The following SLC45A4 variants were observed in gnomAD, a reference collection of about 807,000 sequenced individuals.
The protein encoded by SLC45A4 is polyamine-transporter SLC45A4.
In SLC45A4, 32 loss-of-function variants were observed where a neutral mutation model predicts 63.7. The observed-to-expected ratio is 0.50, with a 90% CI of 0.38 to 0.67. The LOEUF (loss-of-function observed/expected upper bound fraction) is 0.67. Ranked by LOEUF, SLC45A4 falls within the 30% of genes least tolerant of loss-of-function variation. SLC45A4 has a pLI of 0.00. For missense variants in SLC45A4, 1,027 were observed against 1,157.7 expected (o/e 0.89, Z 1.64); for synonymous variants, 535 against 510.0 (o/e 1.05, Z -0.66).
intron 1 of SLC45A4, among the ~76,000 whole-genome samples, chr8:141,307,542 A>T (rs1312071308): frequency 6.6e-6 from 1 of 151,638 alleles, no homozygotes; most frequent in Non-Finnish European, 1.5e-5. Context: ...GAAGGGGAAG[A>T]AGGGGAAGAA....
rs1007022385 is a variant in SLC45A4, at chr8:141,212,135, G to GCCGCCCGC, written c.2301+54_2301+61dup. ...CTGCTCCCGCCCATGGCCTGGCCCCGCCGCCCGCCCGCCCGCCCACCCGCC... is the reference window on the plus strand; with the variant it reads ...CTGCTCCCGCCCATGGCCTGGCCCCGCCGCCCGCCCGCCCGCCCGCCCGCCCACCCGCC... On this transcript the variant is annotated intron_variant, in intron 8 of 8. Coordinates refer to ENST00000517878, the MANE Select transcript of SLC45A4 (RefSeq NM_001286646.2). 350 of 545,802 alleles carry GCCGCCCGC rather than the reference G, an allele frequency of 6.4e-4. 1 individual carries two copies. Among genetic ancestry groups the GCCGCCCGC allele is most frequent in the South Asian group, 6.2e-3 (89 of 14,376 alleles). The allele number at this position is 545,802 out of a possible 1,614,324, so 33.8% of individuals were successfully genotyped here. A position where few individuals can be genotyped will look rare whatever the true frequency, so the allele number is the denominator to read the frequency against.
intron 1 of SLC45A4, among the ~76,000 whole-genome samples, chr8:141,262,527 A>G (rs2154614809): frequency 6.6e-6 from 1 of 152,144 alleles, no homozygotes; most frequent in East Asian, 1.9e-4. Flanking sequence ...ACAAGAAAAA[A>G]AACAACCCCA....
At position 141,208,699 on chromosome 8, in the gene SLC45A4, T is replaced by C. The variant is rs1468858841; in HGVS notation, c.*2873A>G. The C allele has an allele frequency of 6.6e-6, 1 of 152,144 alleles. No homozygotes were observed. Among genetic ancestry groups the C allele is most frequent in the Non-Finnish European group, 1.5e-5 (1 of 68,038 alleles). The allele number at this position is 152,144 out of a possible 1,614,324, so 9.4% of individuals were successfully genotyped here. A position where few individuals can be genotyped will look rare whatever the true frequency, so the allele number is the denominator to read the frequency against. ...CTAGCTCTTCAGCCACCAGGGAACG[T>C]CATGATGCCAGTCTGCCGACAGACC... On this transcript the variant is annotated 3_prime_UTR_variant, in exon 9 of 9. Transcript: ENST00000517878.
At chr8:141,231,995 C>A (rs553609760) in intron 2 of SLC45A4, among the ~76,000 whole-genome samples, 4 of 152,366 alleles carry the variant, frequency 2.6e-5, no homozygotes, top group African/African-American at 7.2e-5. Flanking sequence ...ACTGCCCAGG[C>A]CCAGTGAAAA....
At chr8:141,304,268 T>TAC (rs59200665) in intron 1 of SLC45A4, among the ~76,000 whole-genome samples, 31,678 of 150,908 alleles carry the variant, frequency 0.21, 3,561 homozygotes, top group East Asian at 0.34. Flanking sequence ...GACTCTTAAA[T>TAC]ACACACACAC....
chr8:141,302,285 A>G (rs1369101121), intron 1 of SLC45A4, among the ~76,000 whole-genome samples: 1 of 152,232 alleles, frequency 6.6e-6, no homozygotes, highest in East Asian at 1.9e-4. Flanking sequence ...ATGGAGACAG[A>G]GGCTTGCTCT....
At chr8:141,296,219 T>TTGGGGCAAACTACAAAA (rs1830544845) in intron 1 of SLC45A4, among the ~76,000 whole-genome samples, 1 of 152,048 alleles carries the variant, frequency 6.6e-6, no homozygotes, top group Admixed American at 6.6e-5. Flanking sequence ...CAATCCCAGC[T>TTGGGGCAAACTACAAAA]ACTCAGGAGG....
intron 2 of SLC45A4, among the ~76,000 whole-genome samples, chr8:141,238,285 C>T (rs1370013257): frequency 6.6e-6 from 1 of 152,224 alleles, no homozygotes; most frequent in Non-Finnish European, 1.5e-5. Context: ...TGTAAAGTCG[C>T]CCCTTTTTTT....
intron 2 of SLC45A4, among the ~76,000 whole-genome samples, chr8:141,236,028 C>T (rs1387399877): frequency 2.6e-5 from 4 of 152,086 alleles, no homozygotes; most frequent in African/African-American, 4.8e-5. Flanking sequence ...CGCTTGAACC[C>T]GGGAGGTGGA....
At position 141,212,184 on chromosome 8, in the gene SLC45A4, G is replaced by A. The variant is rs764562259; in HGVS notation, c.2301+13C>T. 4.1e-4 allele frequency: 577 copies of A among 1,409,862 alleles called. 3 individuals carry two copies. Among genetic ancestry groups the A allele is most frequent in the Non-Finnish European group, 2.8e-5 (30 of 1,072,032 alleles). The allele number at this position is 1,409,862 out of a possible 1,614,324, so 87.3% of individuals were successfully genotyped here. A position where few individuals can be genotyped will look rare whatever the true frequency, so the allele number is the denominator to read the frequency against. On this transcript the variant is annotated intron_variant, in intron 8 of 8. Transcript: ENST00000517878. ...CCCACTGGAATGTGTGTAAACGGGA[G>A]TGCGGCTCAGACCACGGACTCTGTC...
intron 2 of SLC45A4, among the ~76,000 whole-genome samples, chr8:141,235,876 C>T (rs921592295): frequency 1.4e-4 from 22 of 152,164 alleles, no homozygotes; most frequent in African/African-American, 4.6e-4. Flanking sequence ...CTGAGGCGGG[C>T]GGATCACCTG....
chr8:141,246,361 G>T (rs530179390), intron 2 of SLC45A4, among the ~76,000 whole-genome samples: 2 of 152,220 alleles, frequency 1.3e-5, no homozygotes, highest in Admixed American at 1.3e-4. Flanking sequence ...GCTCTGCGGG[G>T]TGGCTCTGGT....
chr8:141,307,557 G>A (rs1210576853), intron 1 of SLC45A4, among the ~76,000 whole-genome samples: 2 of 151,640 alleles, frequency 1.3e-5, no homozygotes, highest in Admixed American at 1.3e-4. Context: ...GAAGAAGGGA[G>A]TGTGTTCGGT....
intron 1 of SLC45A4, among the ~76,000 whole-genome samples, chr8:141,264,642 G>A (rs189111008): frequency 1.3e-5 from 2 of 152,272 alleles, no homozygotes; most frequent in African/African-American, 2.4e-5. Flanking sequence ...AATATCCTCA[G>A]GCTGCTGAGT....
In SLC45A4 at chr8:141,218,218, G is replaced by A. The variant is rs749408749; in HGVS notation, c.1422C>T (p.Ser474=). The A allele has an allele frequency of 2.8e-5, 45 of 1,602,330 alleles. No homozygotes were observed. The highest frequency in any genetic ancestry group is 1.6e-4 in the Middle Eastern group (1 of 6,080). ...TGTCCCCGCTGGAGGTGGTGGCCCC[G>A]CTCTGGTTCCGGTGCCGGTGCTGCC... The part of the protein sequence containing the change: ...RQRQHRHRNQ[S]GATTSSGDTE... The change falls in exon 5 of 9, where the codon AGC becomes AGT. Residue 474 remains serine (S), a synonymous_variant. Coordinates refer to ENST00000517878, the MANE Select transcript of SLC45A4 (RefSeq NM_001286646.2).
intron 1 of SLC45A4, among the ~76,000 whole-genome samples, chr8:141,279,207 C>T (rs963884852): frequency 6.6e-6 from 1 of 152,250 alleles, no homozygotes; most frequent in African/African-American, 2.4e-5. Context: ...GGGGCCCTGG[C>T]TCTATCCCCA....
chr8:141,272,727 C>T (rs538034563), intron 1 of SLC45A4, among the ~76,000 whole-genome samples: 1 of 152,154 alleles, frequency 6.6e-6, no homozygotes, highest in Admixed American at 6.5e-5. Context: ...CCTAGGCACA[C>T]TGGTCAAACA....
In SLC45A4 at chr8:141,211,255, T is replaced by C. The variant is rs1468924986; in HGVS notation, c.*317A>G. 3.0e-5 allele frequency: 14 copies of C among 474,172 alleles called. No homozygotes were observed. The highest frequency in any genetic ancestry group is 5.1e-5 in the Non-Finnish European group (14 of 273,408). 29.4% of individuals were successfully genotyped at this position (474,172 alleles called of 1,614,324 possible). A position where few individuals can be genotyped will look rare whatever the true frequency, so the allele number is the denominator to read the frequency against. On this transcript the variant is annotated 3_prime_UTR_variant, in exon 9 of 9. Coordinates refer to ENST00000517878, the MANE Select transcript of SLC45A4 (RefSeq NM_001286646.2). ...AGTCAACGTTTCCTTCCCCCTGACGTTGGGAGCGGTCTGGAGGGGCAACCT... is the reference window on the plus strand; with the variant it reads ...AGTCAACGTTTCCTTCCCCCTGACGCTGGGAGCGGTCTGGAGGGGCAACCT...
intron 2 of SLC45A4, 21 bp from the exon 3 acceptor site, chr8:141,221,786 G>A (rs779449143): frequency 4.3e-5 from 69 of 1,605,818 alleles, no homozygotes; most frequent in East Asian, 3.1e-4. Context: ...CACGAGGGCC[G>A]TCGCACACGC....
Sources: allele counts gnomAD v4.1 joint callset (sites outside exome capture counted in the v4.1 genomes callset), GRCh38; gene constraint gnomAD v4.1.1; transcripts MANE v1.5; gene names NCBI Gene and HGNC (gene_info 2026-07-23, HGNC 2026-07-21).